The following ABHD2 variants were observed in gnomAD, a reference collection of about 807,000 sequenced individuals.
ABHD2 encodes abhydrolase domain containing 2, acylglycerol lipase.
In ABHD2, 20 loss-of-function variants were observed where a neutral mutation model predicts 48.1. That is an observed-to-expected ratio of 0.42 (90% CI 0.29 to 0.60). ABHD2 has a LOEUF of 0.60. Among genes scored for constraint, ABHD2 ranks in the 20% least tolerant of loss-of-function variants. The pLI is 0.24. For synonymous variants in ABHD2, 209 were observed against 214.2 expected (o/e 0.98, Z 0.21); for missense variants, 405 against 550.9 (o/e 0.74, Z 2.65).
At chr15:89,050,343 C>T in the ABHD2 span, among the ~76,000 whole-genome samples, 2 of 152,184 alleles carry the variant, frequency 1.3e-5, no homozygotes, top group East Asian at 3.9e-4. Context: ...CAGCAGCAAC[C>T]ATGTGGACAT....
At chr15:89,112,729 C>T (rs1471258129) in intron 1 of ABHD2, among the ~76,000 whole-genome samples, 1 of 152,198 alleles carries the variant, frequency 6.6e-6, no homozygotes, top group East Asian at 1.9e-4. Flanking sequence ...GTCTCCTGCA[C>T]CATCCATTTT....
In ABHD2 at chr15:89,114,403, G is replaced by T. The variant is rs142817242; in HGVS notation, c.-7+579G>T. Among the ~76,000 whole-genome samples the T allele has an allele frequency of 2.6e-5, 4 of 152,292 alleles. No individual in the cohort carries two copies. The East Asian group carries it at 7.7e-4, about 29-fold the overall frequency. ...CAAGTTAAGGATCCTTGTTTTAGGG[G>T]TTTATAGACAGCTTTCAGGGGATAT... On this transcript the variant is annotated intron_variant, in intron 2 of 10. Transcript: ENST00000352732. The surrounding 1 kb of genome is among the most constrained non-coding windows in gnomAD (Gnocchi z 4.2).
intron 5 of ABHD2, among the ~76,000 whole-genome samples, chr15:89,159,325 C>T (rs780099763): frequency 1.3e-5 from 2 of 151,494 alleles, no homozygotes; most frequent in African/African-American, 2.4e-5. Flanking sequence ...TGCAGTGAGC[C>T]GAGATCACAC....
chr15:89,171,076 A>T (rs1416519248), intron 5 of ABHD2, among the ~76,000 whole-genome samples: 2 of 152,140 alleles, frequency 1.3e-5, no homozygotes, highest in Non-Finnish European at 2.9e-5. Context: ...AGATCGCACC[A>T]CTGCACTCCA....
Position 89,092,536 on chromosome 15 carries a change from A to C in ABHD2, c.-107+3973A>C, listed in dbSNP as rs1347074460. Among the ~76,000 whole-genome samples, 1 of 152,244 alleles carries C rather than the reference A, an allele frequency of 6.6e-6. No individual in the cohort carries two copies. Among genetic ancestry groups the C allele is most frequent in the African/African-American group, 2.4e-5 (1 of 41,468 alleles). ...GGCAATACATTCACATGATGAAAGAAAATTTTTTAAAGGCACAAAAGGTTA... is the reference window on the plus strand; with the variant it reads ...GGCAATACATTCACATGATGAAAGACAATTTTTTAAAGGCACAAAAGGTTA... On this transcript the variant is annotated intron_variant, in intron 1 of 10. Transcript: ENST00000352732. This position sits in a 1 kb window ranked among gnomAD's most constrained non-coding sequence, Gnocchi z 4.4.
At chr15:89,154,411 A>G (rs1433145896) in intron 4 of ABHD2, among the ~76,000 whole-genome samples, 1 of 152,218 alleles carries the variant, frequency 6.6e-6, no homozygotes, top group Non-Finnish European at 1.5e-5. Context: ...TTTAAAGAAA[A>G]GTATGTATTC....
At chr15:89,098,093 T>A (rs1174027137) in intron 1 of ABHD2, among the ~76,000 whole-genome samples, 1 of 152,090 alleles carries the variant, frequency 6.6e-6, no homozygotes, top group African/African-American at 2.4e-5. Flanking sequence ...TTGCCCAGGC[T>A]GGTCTCAAAT....
Position 89,184,705 on chromosome 15 carries a change from CAG to C in ABHD2, c.723-718_723-717del, listed in dbSNP as rs1032533818. ...CTGGCAGAACCTGGGCTCTGGAAAA[CAG>C]GGATAATATCACCTGCCTACTGCCG... On this transcript the variant is annotated intron_variant, in intron 6 of 10. Coordinates refer to ENST00000352732, the MANE Select transcript of ABHD2 (RefSeq NM_152924.5). This position sits in a 1 kb window ranked among gnomAD's most constrained non-coding sequence, Gnocchi z 5.1. Among the ~76,000 whole-genome samples, 10 of 152,178 alleles carry C rather than the reference CAG, an allele frequency of 6.6e-5. No homozygotes were observed. Among genetic ancestry groups the C allele is most frequent in the Non-Finnish European group, 7.3e-5 (5 of 68,034 alleles).
intron 5 of ABHD2, among the ~76,000 whole-genome samples, chr15:89,170,080 C>CTTTTGTTTTTTT (rs2050898716): frequency 2.7e-5 from 1 of 37,484 alleles, no homozygotes; most frequent in African/African-American, 7.6e-5. Flanking sequence ...AGATCAGATT[C>CTTTTGTTTTTTT]TTTTTTTTTT....
intron 9 of ABHD2, among the ~76,000 whole-genome samples, chr15:89,191,790 G>A: frequency 6.6e-6 from 1 of 151,900 alleles, no homozygotes; most frequent in East Asian, 1.9e-4. Flanking sequence ...CACCACGCCT[G>A]GCTAATTTTT....
At chr15:89,152,026 C>T (rs1039820825) in intron 4 of ABHD2, among the ~76,000 whole-genome samples, 174 bp downstream of exon 4, 5 of 151,794 alleles carry the variant, frequency 3.3e-5, no homozygotes, top group South Asian at 2.1e-4. Context: ...TTAGCTTCAG[C>T]GTATGTTTGC....
In ABHD2 at chr15:89,199,608, A is replaced by G. The variant is rs904852899; in HGVS notation, c.*4185A>G. On this transcript the variant is annotated 3_prime_UTR_variant, in exon 11 of 11. Transcript: ENST00000352732. This position sits in a 1 kb window ranked among gnomAD's most constrained non-coding sequence, Gnocchi z 4.1. ...ATGCCCCCACCCCTCCCTCAACAAT[A>G]TGAGTGATCCAGAACTGGCCCAAAC... 1 of 151,714 alleles carries G rather than the reference A, an allele frequency of 6.6e-6. No homozygotes were observed. The highest frequency in any genetic ancestry group is 2.4e-5 in the African/African-American group (1 of 41,114). 9.4% of individuals were successfully genotyped at this position (151,714 alleles called of 1,614,324 possible).
chr15:89,124,981 C>T lies in ABHD2; in HGVS notation c.194+8460C>T, dbSNP rs200457339. Among the ~76,000 whole-genome samples the T allele has an allele frequency of 8.6e-4, 130 of 152,002 alleles. 1 individual carries two copies. The highest frequency in any genetic ancestry group is 2.6e-3 in the African/African-American group (107 of 41,428). On this transcript the variant is annotated intron_variant, in intron 3 of 10. Coordinates refer to ENST00000352732, the MANE Select transcript of ABHD2 (RefSeq NM_152924.5). ...GCAGGTGCCTGTAATCCCAGCTAATCGGGAGGCTGAGGCAGGAGAATTGCT... is the reference window on the plus strand; with the variant it reads ...GCAGGTGCCTGTAATCCCAGCTAATTGGGAGGCTGAGGCAGGAGAATTGCT...
At chr15:89,079,895 C>T in the ABHD2 span, among the ~76,000 whole-genome samples, 1 of 152,164 alleles carries the variant, frequency 6.6e-6, no homozygotes, top group African/African-American at 2.4e-5. This position sits in a 1 kb window ranked among gnomAD's most constrained non-coding sequence, Gnocchi z 4.3. Context: ...GCTGGGAGGG[C>T]GGCTGCCAGC....
intron 3 of ABHD2, among the ~76,000 whole-genome samples, chr15:89,145,736 C>T (rs2150875903): frequency 6.6e-6 from 1 of 152,290 alleles, no homozygotes; most frequent in East Asian, 1.9e-4. Context: ...TGAAGGCATC[C>T]CTTTTAGTTG....
At position 89,155,353 on chromosome 15, in the gene ABHD2, T is replaced by C. The variant is rs2050654988; in HGVS notation, c.371-14T>C. 1.2e-6 allele frequency: 2 copies of C among 1,607,854 alleles called. No individual in the cohort carries two copies. The highest frequency in any genetic ancestry group is 2.2e-5 in the East Asian group (1 of 44,684). ...TTTCTTGGATACATCAGGATCTCTT[T>C]CTCTACGCTATAGATGATATCACCA... On this transcript the variant is annotated splice_polypyrimidine_tract_variant and intron_variant, in intron 4 of 10. Transcript: ENST00000352732. The surrounding 1 kb of genome is among the most constrained non-coding windows in gnomAD (Gnocchi z 4.9).
chr15:89,045,220 T>C, the ABHD2 span, among the ~76,000 whole-genome samples: 4 of 151,754 alleles, frequency 2.6e-5, no homozygotes, highest in African/African-American at 9.7e-5. Flanking sequence ...GTTGTAGATA[T>C]GCGGCGTTAT....
At chr15:89,190,267 T>A (rs1425810028) in intron 8 of ABHD2, among the ~76,000 whole-genome samples, 1 of 152,166 alleles carries the variant, frequency 6.6e-6, no homozygotes, top group Non-Finnish European at 1.5e-5. Context: ...GTGTCGGAGC[T>A]CCAGATTGAA....
At chr15:89,044,328 AG>A in the ABHD2 span, among the ~76,000 whole-genome samples, 1 of 152,188 alleles carries the variant, frequency 6.6e-6, no homozygotes, top group Non-Finnish European at 1.5e-5. Context: ...GTAGGTTCCA[AG>A]TCTTTGCTAT....
Sources: gnomAD v4.1 joint callset for allele counts (sites outside exome capture counted in the v4.1 genomes callset) on GRCh38, gnomAD v4.1.1 for gene constraint, Gnocchi (gnomAD v3.1) non-coding constraint, MANE v1.5 for transcripts, NCBI Gene and HGNC (gene_info 2026-07-23, HGNC 2026-07-21) for gene names.